ATP10D: variants seen among roughly 807,000 people sequenced by gnomAD.
ATP10D encodes ATPase phospholipid transporting 10D (putative).
In ATP10D, 89 loss-of-function variants were observed where a neutral mutation model predicts 144.8. The ratio of observed to expected loss-of-function variants is 0.61; its 90% confidence interval spans 0.52 to 0.73. The LOEUF is 0.73. Ranked by LOEUF, ATP10D falls within the 30% of genes least tolerant of loss-of-function variation. ATP10D has a pLI of 0.00. For synonymous variants in ATP10D, 571 were observed against 615.1 expected (o/e 0.93, Z 1.06); for missense variants, 1,603 against 1,714.8 (o/e 0.93, Z 1.15).
At chr4:47,525,299 A>T (rs1367515803) in intron 4 of ATP10D, among the ~76,000 whole-genome samples, 4 of 152,144 alleles carry the variant, frequency 2.6e-5, no homozygotes, top group Non-Finnish European at 5.9e-5. Flanking sequence ...TCTTCTGGGG[A>T]GTCCTGTGTG....
chr4:47,495,353 T>C (rs903377277), intron 1 of ATP10D, among the ~76,000 whole-genome samples: 3 of 152,162 alleles, frequency 2.0e-5, no homozygotes, highest in Non-Finnish European at 4.4e-5. Context: ...GTTAAAGGAA[T>C]GCACCTCTTT....
intron 3 of ATP10D, among the ~76,000 whole-genome samples, chr4:47,518,008 C>A (rs894041039): frequency 6.6e-6 from 1 of 151,970 alleles, no homozygotes; most frequent in Admixed American, 6.6e-5. Context: ...TTATGTTTTT[C>A]CCCCAGATCA....
At chr4:47,492,015 T>C (rs1463775001) in intron 1 of ATP10D, among the ~76,000 whole-genome samples, 1 of 152,118 alleles carries the variant, frequency 6.6e-6, no homozygotes, top group Non-Finnish European at 1.5e-5. Context: ...CCTTAGAAAA[T>C]AAACTCCTAG....
chr4:47,559,227 A>G (rs1244615367), intron 13 of ATP10D, among the ~76,000 whole-genome samples, 198 bp downstream of exon 13: 1 of 152,186 alleles, frequency 6.6e-6, no homozygotes, highest in Non-Finnish European at 1.5e-5. Context: ...GGATCCCTAA[A>G]ACTTATAGTC....
intron 4 of ATP10D, among the ~76,000 whole-genome samples, chr4:47,524,674 C>T (rs1280670351): frequency 3.3e-5 from 5 of 152,158 alleles, no homozygotes; most frequent in Non-Finnish European, 7.4e-5. Flanking sequence ...AGAACTTTGG[C>T]AAATTACTGA....
chr4:47,590,904 G>T, intron 22 of ATP10D, 138 bp from the exon 23 acceptor site: 4 of 517,876 alleles, frequency 7.7e-6, no homozygotes, highest in East Asian at 3.1e-5. Flanking sequence ...ATTAGAGTTC[G>T]GTTACCCTCC....
At chr4:47,493,531 G>A (rs1202609472) in intron 1 of ATP10D, among the ~76,000 whole-genome samples, 1 of 152,194 alleles carries the variant, frequency 6.6e-6, no homozygotes, top group Non-Finnish European at 1.5e-5. Context: ...AGTAAGCTCA[G>A]CTAAGCTGTG....
intron 1 of ATP10D, among the ~76,000 whole-genome samples, chr4:47,492,110 A>G (rs1715112668): frequency 6.6e-6 from 1 of 152,200 alleles, no homozygotes; most frequent in Non-Finnish European, 1.5e-5. Flanking sequence ...AGTGCCAAAA[A>G]TATTAGTTGA....
intron 9 of ATP10D, among the ~76,000 whole-genome samples, chr4:47,542,263 A>G (rs571843569): frequency 1.6e-4 from 25 of 151,864 alleles, no homozygotes; most frequent in African/African-American, 4.8e-4. Context: ...CGCATGGCTA[A>G]TTTTTGTATT....
At chr4:47,588,893 A>G (rs77320192) in intron 22 of ATP10D, among the ~76,000 whole-genome samples, 5,431 of 152,228 alleles carry the variant, frequency 0.036, 335 homozygotes, top group African/African-American at 0.12. Context: ...CTAAAAAATG[A>G]CTCCCTAAAA....
Position 47,549,862 on chromosome 4 carries a change from G to A in ATP10D, c.1635+3000G>A, listed in dbSNP as rs544496173. 1.3e-4 allele frequency among the ~76,000 whole-genome samples: 20 copies of A among 152,236 alleles called. No homozygotes were observed. In the East Asian group the frequency reaches 2.1e-3, roughly 16 times the overall value. ...GAAAGGCATTTGGAGCTGACAGCAC[G>A]TGGTACGTGCAGACGTTCAGAACCA... On this transcript the variant is annotated intron_variant, in intron 10 of 22. Coordinates refer to ENST00000273859, the MANE Select transcript of ATP10D (RefSeq NM_020453.4).
At position 47,591,368 on chromosome 4, in the gene ATP10D, G is replaced by A. The variant is rs765003197; in HGVS notation, c.4268G>A (p.Gly1423Asp). Residue 1423 changes from glycine to aspartate, a missense_variant, in exon 23 of 23, where the codon GGT becomes GAT. By Grantham distance (94) the Gly-to-Asp change is moderately conservative. Coordinates refer to ENST00000273859, the MANE Select transcript of ATP10D (RefSeq NM_020453.4). ...TTTGAGATGGCTGGACCCTCCAAAG[G>A]TAAAGAAAGCTAGATACCCTCCTTG... ...KAFEMAGPSK[G>D]KES 18 of 1,596,636 alleles carry A rather than the reference G, an allele frequency of 1.1e-5. No individual in the cohort carries two copies. The highest frequency in any genetic ancestry group is 1.4e-5 in the Non-Finnish European group (16 of 1,171,460).
At chr4:47,529,722 T>A (rs1249323257) in intron 5 of ATP10D, among the ~76,000 whole-genome samples, 1 of 152,176 alleles carries the variant, frequency 6.6e-6, no homozygotes, top group African/African-American at 2.4e-5. Context: ...TCTGTAGATT[T>A]CTTTGGGCAG....
rs574635190 is a variant in ATP10D, at chr4:47,584,492, A to G, written c.3753+2428A>G. On this transcript the variant is annotated intron_variant, in intron 21 of 22. Transcript: ENST00000273859. ...ACTGCAAGCTCCGCCTCCCAGGTTC[A>G]TGCCATTCTTCTGCCTCAGCCTCCC... Among the ~76,000 whole-genome samples the G allele has an allele frequency of 2.0e-5, 3 of 152,230 alleles. No homozygotes were observed. In the South Asian group the frequency reaches 6.2e-4, roughly 32 times the overall value.
chr4:47,509,202 TA>T (rs1716181001), intron 1 of ATP10D, among the ~76,000 whole-genome samples: 2 of 151,818 alleles, frequency 1.3e-5, no homozygotes, highest in East Asian at 3.9e-4. Flanking sequence ...TCTTCTTTTT[TA>T]AATCTGATAT....
At chr4:47,525,820 C>A (rs917157224) in intron 5 of ATP10D, among the ~76,000 whole-genome samples, 178 bp downstream of exon 5, 6 of 152,232 alleles carry the variant, frequency 3.9e-5, no homozygotes, top group Non-Finnish European at 7.3e-5. Flanking sequence ...TTTATACACA[C>A]ACACATACAC....
intron 1 of ATP10D, among the ~76,000 whole-genome samples, chr4:47,491,720 C>T (rs1175307507): frequency 6.6e-6 from 1 of 152,170 alleles, no homozygotes; most frequent in Admixed American, 6.5e-5. Flanking sequence ...CCCTCCTTGC[C>T]TCCTTGCCTT....
chr4:47,515,507 G>T lies in ATP10D; in HGVS notation c.322G>T (p.Val108Phe), dbSNP rs371064535. Residue 108 changes from valine (V) to phenylalanine (F), a missense_variant, in exon 3 of 23, where the codon GTC becomes TTC. Transcript: ENST00000273859. ...CAATTTATATTTCCTGTTCCTAGTT[G>T]TCCTGAACTGGGTACCTTTGGTAGA... is the stretch of plus-strand genomic sequence containing the variant. Reference protein sequence around the residue: ...AANLYFLFLVVLNWVPLVEAF... With the variant: ...AANLYFLFLVFLNWVPLVEAF... 4 of 1,613,440 alleles carry T rather than the reference G, an allele frequency of 2.5e-6. No individual in the cohort carries two copies. Among genetic ancestry groups the T allele is most frequent in the African/African-American group, 1.3e-5 (1 of 74,884 alleles).
chr4:47,578,688 C>A (rs1214029900), intron 19 of ATP10D, among the ~76,000 whole-genome samples: 2 of 152,196 alleles, frequency 1.3e-5, no homozygotes, highest in Non-Finnish European at 2.9e-5. Context: ...CTGGCACATT[C>A]TCTTCCACCA....
Sources: allele counts gnomAD v4.1 joint callset (sites outside exome capture counted in the v4.1 genomes callset), GRCh38; gene constraint gnomAD v4.1.1; transcripts MANE v1.5; gene names NCBI Gene and HGNC (gene_info 2026-07-23, HGNC 2026-07-21).